The following MORC4 variants were observed in gnomAD, a reference collection of about 807,000 sequenced individuals.
The protein encoded by MORC4 is MORC family CW-type zinc finger 4.
MORC4 carries 22 observed loss-of-function variants against 65.5 expected under a neutral mutation model. The ratio of observed to expected loss-of-function variants is 0.34; its 90% CI spans 0.24 to 0.48. The LOEUF (loss-of-function observed/expected upper bound fraction) is 0.48. MORC4 is among the 20% of genes least tolerant of loss of function. The probability of loss-of-function intolerance (pLI) is 0.99; values close to 1 mark genes in which losing one functional copy is unlikely to be tolerated. For synonymous variants in MORC4, 267 were observed against 255.8 expected, an observed-to-expected ratio of 1.04 and a Z score of -0.42; for missense variants, 624 against 703.0, an observed-to-expected ratio of 0.89 and a Z score of 1.27.
chrX:106,986,704 C>T (rs1008645830), intron 3 of MORC4, among the ~76,000 whole-genome samples: 1 of 111,928 alleles, frequency 8.9e-6, no homozygotes. Flanking sequence ...AGTCAGGGAT[C>T]ATGTATCTTG....
chrX:107,000,153 G>A lies in MORC4; in HGVS notation c.-184C>T, dbSNP rs895621225. 1.0e-4 allele frequency: 14 copies of A among 135,412 alleles called. No individual in the cohort carries two copies. The highest frequency in any genetic ancestry group is 4.4e-4 in the African/African-American group (14 of 31,765). The allele number at this position is 135,412 out of a possible 1,213,427, so 11.2% of individuals were successfully genotyped here. On this transcript the variant is annotated 5_prime_UTR_variant, in exon 1 of 17. Coordinates refer to ENST00000355610, the MANE Select transcript of MORC4 (RefSeq NM_024657.5). ...GCCACCTGTCCCGGGCGGGAGGGGT[G>A]AGGCCGGCTGAGGCAAGCGGCGGCT...
Position 106,985,212 on chromosome X carries a change from G to A in MORC4, c.558C>T (p.Pro186=), listed in dbSNP as rs768063506. 9.4e-6 allele frequency: 11 copies of A among 1,175,827 alleles called. No homozygotes were observed. The highest frequency in any genetic ancestry group is 1.3e-5 in the Non-Finnish European group (11 of 873,948). ...KKMIITEDSL[P]SLEAILNYSI... is the part of the protein sequence containing the mutation. ...AATAGTTCAAGATGGCTTCTAGGCT[G>A]GGCAATGAATCCTCGGTAATAATCA... The change falls in exon 5 of 17, where the codon CCC becomes CCT. Residue 186 remains proline, a synonymous_variant. Transcript: ENST00000355610.
intron 9 of MORC4, among the ~76,000 whole-genome samples, chrX:106,972,825 C>A (rs1934550871): frequency 8.9e-6 from 1 of 112,632 alleles, no homozygotes; most frequent in African/African-American, 3.2e-5. Flanking sequence ...GTAATCCCAG[C>A]TACTCGGGAG....
intron 7 of MORC4, among the ~76,000 whole-genome samples, chrX:106,980,419 C>T (rs946204887): frequency 1.8e-5 from 2 of 110,833 alleles, no homozygotes; most frequent in African/African-American, 6.5e-5. Context: ...TAAGTCTGGA[C>T]CTGTTCCAAC....
chrX:106,968,153 G>A (rs1357496524), intron 9 of MORC4, among the ~76,000 whole-genome samples: 2 of 111,692 alleles, frequency 1.8e-5, no homozygotes, highest in Non-Finnish European at 3.8e-5. Flanking sequence ...GAGAGTAGGG[G>A]CCAATATTCA....
intron 14 of MORC4, among the ~76,000 whole-genome samples, chrX:106,947,571 TTA>T (rs764069844): frequency 0.081 from 6,280 of 77,853 alleles, 524 homozygotes; most frequent in African/African-American, 0.23. Flanking sequence ...TATATATATA[TTA>T]TATATATATA....
At chrX:106,947,574 TATATATATATATATATA>T (rs1933870928) in intron 14 of MORC4, among the ~76,000 whole-genome samples, 1 of 75,442 alleles carries the variant, frequency 1.3e-5, no homozygotes, top group Non-Finnish European at 2.3e-5. Context: ...ATATATATTA[TATATATATATATATATA>T]ATATATATAT....
At chrX:106,979,487 C>T (rs1040926385) in intron 7 of MORC4, among the ~76,000 whole-genome samples, 2 of 110,531 alleles carry the variant, frequency 1.8e-5, no homozygotes, top group South Asian at 3.8e-4. Context: ...ACCAAATTAG[C>T]ATAAGGAGAG....
At chrX:106,948,481 T>C (rs956744839) in intron 14 of MORC4, among the ~76,000 whole-genome samples, 9 of 112,200 alleles carry the variant, frequency 8.0e-5, no homozygotes, top group African/African-American at 2.9e-4. Flanking sequence ...AGAAATATTC[T>C]ATTGTTTTGT....
At chrX:106,948,974 T>G (rs1437507124) in intron 14 of MORC4, among the ~76,000 whole-genome samples, 2 of 111,812 alleles carry the variant, frequency 1.8e-5, no homozygotes, top group Non-Finnish European at 3.8e-5. Context: ...TTGGGAAGTT[T>G]TTAGCCATGA....
rs768854498 is a variant in MORC4, at chrX:106,942,900, T to A, written c.1991A>T (p.Asp664Val). The A allele has an allele frequency of 8.3e-7, 1 of 1,210,258 alleles. No homozygotes were observed. The highest frequency in any genetic ancestry group is 2.2e-5 in the Admixed American group (1 of 45,780). Residue 664 changes from aspartate to valine, a missense_variant, in exon 15 of 17, where the codon GAT (aspartate) becomes GTT (valine). Coordinates refer to ENST00000355610, the MANE Select transcript of MORC4 (RefSeq NM_024657.5). ...QGSLLPEELE[D>V]QMPRLVAEES... ...TTCTGCCACCAATCTTGGCATCTGA[T>A]CTTCTAATTCTTCAGGAAGCAGGGA... is the stretch of plus-strand genomic sequence containing the variant.
chrX:106,985,922 T>G, intron 4 of MORC4, 61 bp downstream of exon 4: 1 of 961,644 alleles, frequency 1.0e-6, no homozygotes, highest in Non-Finnish European at 1.5e-6. Context: ...AGTTGGAATC[T>G]AATCAAACAC....
chrX:106,993,227 T>C lies in MORC4; in HGVS notation c.308+3A>G. ...AAGAAAAAGACAATGAAGACATTTT[T>C]ACCTGAGCATTCGGTGTAGTTTATG... On this transcript the variant is annotated splice_donor_region_variant and intron_variant, in intron 3 of 16. Coordinates refer to ENST00000355610, the MANE Select transcript of MORC4 (RefSeq NM_024657.5). 8.3e-7 allele frequency: 1 copy of C among 1,208,485 alleles called. No individual in the cohort carries two copies. The highest frequency in any genetic ancestry group is 1.1e-6 in the Non-Finnish European group (1 of 893,565).
In MORC4 at chrX:106,980,914, C is replaced by G; in HGVS notation, c.913G>C (p.Asp305His). 2 of 1,207,138 alleles carry G rather than the reference C, an allele frequency of 1.7e-6. No individual in the cohort carries two copies. Among genetic ancestry groups the G allele is most frequent in the Non-Finnish European group, 1.1e-6 (1 of 891,498 alleles). ...IAKSLANVEYDTYKPTFTNKQ... is the reference protein window; with the variant it reads ...IAKSLANVEYHTYKPTFTNKQ... ...ACTGTGAAGGTAGGTTTATATGTAT[C>G]ATATTCTACATTGGCCAGGCTCTTG... Residue 305 changes from aspartate to histidine, a missense_variant, in exon 7 of 17, where the codon GAT becomes CAT. By Grantham distance (81) the Asp-to-His change is moderately conservative. Coordinates refer to ENST00000355610, the MANE Select transcript of MORC4 (RefSeq NM_024657.5).
chrX:106,978,264 A>G, intron 7 of MORC4, 65 bp from the exon 8 acceptor site: 1 of 1,086,754 alleles, frequency 9.2e-7, no homozygotes, highest in Non-Finnish European at 1.2e-6. Context: ...TTTACACCAT[A>G]TTATAGCAAA....
At chrX:106,963,724 C>A (rs1602487449) in intron 9 of MORC4, among the ~76,000 whole-genome samples, 1 of 111,052 alleles carries the variant, frequency 9.0e-6, no homozygotes, top group East Asian at 2.8e-4. Flanking sequence ...GACATAAAGA[C>A]AAGGACATTC....
chrX:106,999,922 G>A lies in MORC4; in HGVS notation c.48C>T (p.Cys16=). ...GAPAGPGAPG[C]GLARPGGGPQ... ...GGCCGCCGCCGGGCCGGGCCAGCCCGCAGCCCGGCGCGCCAGGGCCGGCGG... is the reference window on the plus strand; with the variant it reads ...GGCCGCCGCCGGGCCGGGCCAGCCCACAGCCCGGCGCGCCAGGGCCGGCGG... Residue 16 remains cysteine (C), a synonymous_variant, in exon 1 of 17, where the codon TGC becomes TGT. Coordinates refer to ENST00000355610, the MANE Select transcript of MORC4 (RefSeq NM_024657.5). 1 of 851,084 alleles carries A rather than the reference G, an allele frequency of 1.2e-6. No homozygotes were observed. The highest frequency in any genetic ancestry group is 1.4e-6 in the Non-Finnish European group (1 of 699,385). The allele number at this position is 851,084 out of a possible 1,213,427, so 70.1% of individuals were successfully genotyped here. A position where few individuals can be genotyped will look rare whatever the true frequency, so the allele number is the denominator to read the frequency against.
At chrX:106,997,054 T>C (rs183796972) in intron 2 of MORC4, among the ~76,000 whole-genome samples, 14 of 112,233 alleles carry the variant, frequency 1.2e-4, no homozygotes, top group Non-Finnish European at 2.1e-4. Context: ...GTGGAGCTAC[T>C]GTCCTACATA....
At chrX:106,977,628 G>T (rs1415674207) in intron 8 of MORC4, among the ~76,000 whole-genome samples, 1 of 111,363 alleles carries the variant, frequency 9.0e-6, no homozygotes, top group Non-Finnish European at 1.9e-5. Flanking sequence ...ATAAAGGTCA[G>T]GAAATTGAGC....
Sources: gnomAD v4.1 joint callset for allele counts (sites outside exome capture counted in the v4.1 genomes callset) on GRCh38, gnomAD v4.1.1 for gene constraint, MANE v1.5 for transcripts, NCBI Gene and HGNC (gene_info 2026-07-23, HGNC 2026-07-21) for gene names.